Variants in ENPP3 observed in about 807,000 individuals in gnomAD.
ENPP3 encodes ectonucleotide pyrophosphatase/phosphodiesterase family member 3.
Under a neutral mutation model 117.8 loss-of-function variants are expected in ENPP3, and 104 were observed. The ratio of observed to expected loss-of-function variants is 0.88; its 90% CI spans 0.75 to 1.04. The LOEUF is 1.04. ENPP3 is among the 50% of genes least tolerant of loss of function. The pLI is 0.00. For synonymous variants in ENPP3, 380 were observed against 349.9 expected (o/e 1.09, Z -0.96); for missense variants, 1,026 against 1,051.9 (o/e 0.98, Z 0.34).
intron 2 of ENPP3, among the ~76,000 whole-genome samples, chr6:131,645,598 T>A (rs1297122690): frequency 6.6e-6 from 1 of 152,218 alleles, no homozygotes; most frequent in Non-Finnish European, 1.5e-5. Flanking sequence ...ACAGGATGCA[T>A]GAGAGAGATA....
intron 20 of ENPP3, among the ~76,000 whole-genome samples, chr6:131,733,134 TG>T (rs1562480266): frequency 6.6e-6 from 1 of 152,208 alleles, no homozygotes; most frequent in East Asian, 1.9e-4. Flanking sequence ...ACACCTTCTT[TG>T]AATTAATCTT....
intron 2 of ENPP3, among the ~76,000 whole-genome samples, chr6:131,647,930 T>G (rs972216884): frequency 2.0e-5 from 3 of 152,170 alleles, no homozygotes; most frequent in East Asian, 1.9e-4. Flanking sequence ...TATATTCTTG[T>G]AGAAATTTTA....
At chr6:131,723,837 A>T (rs1262907340) in intron 18 of ENPP3, among the ~76,000 whole-genome samples, 3 of 151,626 alleles carry the variant, frequency 2.0e-5, no homozygotes, top group African/African-American at 7.3e-5. Context: ...TCACACACAC[A>T]CACACACACA....
chr6:131,641,533 A>G lies in ENPP3; in HGVS notation c.154+3A>G. 6.3e-7 allele frequency: 1 copy of G among 1,579,084 alleles called. No individual in the cohort carries two copies. The highest frequency in any genetic ancestry group is 8.7e-7 in the Non-Finnish European group (1 of 1,148,904). ...ACTCAGGAAACTGGAAAAGCAAGGT[A>G]TACCCCTCAGCCTTTTCTCAGAACA... On this transcript the variant is annotated splice_donor_region_variant and intron_variant, in intron 2 of 24. Coordinates refer to ENST00000357639, the MANE Select transcript of ENPP3 (RefSeq NM_005021.5).
chr6:131,693,407 A>C, intron 14 of ENPP3, 90 bp from the exon 15 acceptor site: 1 of 1,167,594 alleles, frequency 8.6e-7, no homozygotes, highest in Non-Finnish European at 1.2e-6. Flanking sequence ...TACTTTTAAA[A>C]GGTGCTTCAT....
chr6:131,747,010 AT>A lies in ENPP3; in HGVS notation c.*55del. 1 of 948,842 alleles carries A rather than the reference AT, an allele frequency of 1.1e-6. No individual in the cohort carries two copies. The highest frequency in any genetic ancestry group is 1.5e-6 in the Non-Finnish European group (1 of 680,594). The allele number at this position is 948,842 out of a possible 1,614,324, so 58.8% of individuals were successfully genotyped here. A position where few individuals can be genotyped will look rare whatever the true frequency, so the allele number is the denominator to read the frequency against. On this transcript the variant is annotated 3_prime_UTR_variant, in exon 25 of 25. Coordinates refer to ENST00000357639, the MANE Select transcript of ENPP3 (RefSeq NM_005021.5). Reference sequence around the variant, plus strand: ...TACTGTATAAAGTAATTTTGGCAAAATATAAGTGATTTTTTTCTGGAGAATT... The same window carrying A: ...TACTGTATAAAGTAATTTTGGCAAAAATAAGTGATTTTTTTCTGGAGAATT...
At chr6:131,641,986 G>A (rs1778054509) in intron 2 of ENPP3, among the ~76,000 whole-genome samples, 1 of 151,444 alleles carries the variant, frequency 6.6e-6, no homozygotes, top group Admixed American at 6.6e-5. Flanking sequence ...GTAGAGATGG[G>A]GTTTCACTAC....
rs551607883 is a variant in ENPP3 at position 131,690,835 on chromosome 6, C to A, written c.1285-2662C>A. On this transcript the variant is annotated intron_variant, in intron 14 of 24. Transcript: ENST00000357639. ...AAACTGTGGACATTCTTGCCCACCC[C>A]TTCTGGTGAAGTGTATACTTGCAAT... is the stretch of plus-strand genomic sequence containing the variant. 3.3e-5 allele frequency among the ~76,000 whole-genome samples: 5 copies of A among 151,954 alleles called. No individual in the cohort carries two copies. In the East Asian group the frequency reaches 9.7e-4, roughly 29 times the overall value.
intron 5 of ENPP3, among the ~76,000 whole-genome samples, chr6:131,654,456 GT>G (rs1778340291): frequency 6.7e-6 from 1 of 149,866 alleles, no homozygotes; most frequent in Non-Finnish European, 1.5e-5. Flanking sequence ...GGCATTTTTT[GT>G]TTCAAGACAA....
At chr6:131,718,928 G>T (rs368932503) in intron 16 of ENPP3, among the ~76,000 whole-genome samples, 190 bp downstream of exon 16, 1 of 151,984 alleles carries the variant, frequency 6.6e-6, no homozygotes, top group Non-Finnish European at 1.5e-5. Flanking sequence ...TTTATTATAG[G>T]CAATGTTCAA....
At chr6:131,663,753 A>T (rs965085784) in intron 6 of ENPP3, among the ~76,000 whole-genome samples, 5 of 152,050 alleles carry the variant, frequency 3.3e-5, no homozygotes, top group African/African-American at 1.2e-4. Context: ...GTCATAGTGC[A>T]ATGCATTATT....
chr6:131,656,747 A>G (rs979741604), intron 5 of ENPP3, among the ~76,000 whole-genome samples: 1 of 152,016 alleles, frequency 6.6e-6, no homozygotes, highest in African/African-American at 2.4e-5. Flanking sequence ...AGCCTGGGCA[A>G]CAAAGCAAGA....
At chr6:131,730,213 G>T (rs930689097) in intron 20 of ENPP3, among the ~76,000 whole-genome samples, 1 of 152,090 alleles carries the variant, frequency 6.6e-6, no homozygotes, top group Non-Finnish European at 1.5e-5. Flanking sequence ...ATATACCAGC[G>T]GTCTATGGGG....
At chr6:131,719,382 A>AGC (rs1554267526) in intron 16 of ENPP3, among the ~76,000 whole-genome samples, 2 of 133,126 alleles carry the variant, frequency 1.5e-5, no homozygotes, top group Non-Finnish European at 3.1e-5. Context: ...TTCCATTTGT[A>AGC]ACACACACAC....
chr6:131,651,591 G>C (rs11154641), intron 3 of ENPP3, among the ~76,000 whole-genome samples: 24,144 of 152,096 alleles, frequency 0.16, 2,263 homozygotes, highest in East Asian at 0.34. Flanking sequence ...GGCACAACTT[G>C]AGAAATGCTG....
Position 131,722,217 on chromosome 6 carries a change from C to CA in ENPP3, c.1568-4dup, listed in dbSNP as rs1224609386. On this transcript the variant is annotated splice_polypyrimidine_tract_variant and intron_variant, in intron 17 of 24. Coordinates refer to ENST00000357639, the MANE Select transcript of ENPP3 (RefSeq NM_005021.5). ...TAAAGCTACTTTGAACTAATTTTTT[C>CA]AAAAAACAGATCTTCTACGCATTCA... 3.8e-6 allele frequency: 6 copies of CA among 1,598,956 alleles called. No individual in the cohort carries two copies. Among genetic ancestry groups the CA allele is most frequent in the Non-Finnish European group, 5.1e-6 (6 of 1,174,742 alleles).
At chr6:131,715,998 T>C (rs370767690) in intron 15 of ENPP3, among the ~76,000 whole-genome samples, 1 of 150,348 alleles carries the variant, frequency 6.7e-6, no homozygotes, top group Non-Finnish European at 1.5e-5. Context: ...TCTGCTTATG[T>C]GTAGAATGGA....
chr6:131,668,655 T>C (rs1778674258), intron 6 of ENPP3, among the ~76,000 whole-genome samples: 2 of 152,228 alleles, frequency 1.3e-5, no homozygotes, highest in African/African-American at 4.8e-5. Flanking sequence ...TTATTTTGTT[T>C]AGTACTTTAT....
chr6:131,664,978 C>G (rs6938824), intron 6 of ENPP3, among the ~76,000 whole-genome samples: 4,014 of 152,202 alleles, frequency 0.026, 165 homozygotes, highest in African/African-American at 0.091. Context: ...TGAATTTTAT[C>G]AAATGCTCTT....
Sources: gnomAD v4.1 joint callset for allele counts (sites outside exome capture counted in the v4.1 genomes callset) on GRCh38, gnomAD v4.1.1 for gene constraint, MANE v1.5 for transcripts, NCBI Gene and HGNC (gene_info 2026-07-23, HGNC 2026-07-21) for gene names.